SNAP25: variants seen among roughly 807,000 people sequenced by gnomAD.
SNAP25 encodes the protein synaptosomal-associated protein 25.
A neutral mutation model predicts 28.7 loss-of-function variants in SNAP25; 3 were observed. The observed-to-expected ratio is 0.10, with a 90% CI of 0.05 to 0.27. The LOEUF is 0.27. Among genes scored for constraint, SNAP25 ranks in the 10% least tolerant of loss-of-function variants. The pLI is 1.00. For synonymous variants in SNAP25, 61 were observed against 88.1 expected, an observed-to-expected ratio of 0.69 and a Z score of 1.72; for missense variants, 117 against 278.7, an observed-to-expected ratio of 0.42 and a Z score of 4.13.
At chr20:10,219,985 A>AT (rs1344862580) in intron 1 of SNAP25, among the ~76,000 whole-genome samples, 4 of 152,186 alleles carry the variant, frequency 2.6e-5, no homozygotes, top group East Asian at 1.9e-4. Context: ...AAATAAATAC[A>AT]TTTTTTAAAA....
chr20:10,243,457 C>A (rs1313340269), intron 1 of SNAP25, among the ~76,000 whole-genome samples: 1 of 152,154 alleles, frequency 6.6e-6, no homozygotes, highest in Non-Finnish European at 1.5e-5. Flanking sequence ...CACCACATTG[C>A]ATTTAATTGT....
chr20:10,226,394 C>A (rs1281028560), intron 1 of SNAP25, among the ~76,000 whole-genome samples: 1 of 152,138 alleles, frequency 6.6e-6, no homozygotes, highest in Admixed American at 6.5e-5. Flanking sequence ...ATTGCTTCAT[C>A]ATAAATCAGC....
At chr20:10,244,456 C>A (rs944944658) in intron 1 of SNAP25, among the ~76,000 whole-genome samples, 1 of 152,146 alleles carries the variant, frequency 6.6e-6, no homozygotes. Context: ...AAGGTAGGAA[C>A]TATTATCACT....
chr20:10,269,554 T>C (rs1188439205), intron 1 of SNAP25, among the ~76,000 whole-genome samples: 1 of 152,206 alleles, frequency 6.6e-6, no homozygotes, highest in Non-Finnish European at 1.5e-5. Context: ...GATATTAAGA[T>C]TGATTTTGAA....
At chr20:10,297,075 T>C in intron 6 of SNAP25, 25 bp downstream of exon 6, 1 of 1,535,618 alleles carries the variant, frequency 6.5e-7, no homozygotes, top group Non-Finnish European at 8.7e-7. Flanking sequence ...GCATACACTG[T>C]AGCAGTTCTC....
At chr20:10,244,325 A>G (rs989534096) in intron 1 of SNAP25, among the ~76,000 whole-genome samples, 4 of 152,238 alleles carry the variant, frequency 2.6e-5, no homozygotes, top group African/African-American at 7.2e-5. Flanking sequence ...GAGACATATT[A>G]TAAAACTAAA....
intron 6 of SNAP25, among the ~76,000 whole-genome samples, chr20:10,298,043 T>C (rs1336108058): frequency 6.6e-6 from 1 of 152,136 alleles, no homozygotes; most frequent in Non-Finnish European, 1.5e-5. Context: ...GCTCTCCCTT[T>C]GCTCCCAGGG....
chr20:10,224,466 T>G (rs2062699062), intron 1 of SNAP25, among the ~76,000 whole-genome samples: 1 of 151,716 alleles, frequency 6.6e-6, no homozygotes, highest in Non-Finnish European at 1.5e-5. Context: ...ACTGGCAGAA[T>G]GATAGAAGTG....
At chr20:10,276,972 G>C (rs1199347673) in intron 2 of SNAP25, among the ~76,000 whole-genome samples, 3 of 152,152 alleles carry the variant, frequency 2.0e-5, no homozygotes, top group African/African-American at 7.2e-5. Context: ...GCAGAATCTT[G>C]TTCAAAATAA....
At chr20:10,283,280 T>G (rs1177960244) in intron 3 of SNAP25, among the ~76,000 whole-genome samples, 1 of 152,242 alleles carries the variant, frequency 6.6e-6, no homozygotes, top group Non-Finnish European at 1.5e-5. Flanking sequence ...AGGTATTAAC[T>G]GTTGTCATTG....
At chr20:10,221,351 C>A (rs1282622064) in intron 1 of SNAP25, among the ~76,000 whole-genome samples, 1 of 152,018 alleles carries the variant, frequency 6.6e-6, no homozygotes, top group African/African-American at 2.4e-5. Context: ...TTTAGAATAG[C>A]TTACTGAGAA....
intron 1 of SNAP25, among the ~76,000 whole-genome samples, chr20:10,269,453 T>C (rs1217669661): frequency 6.6e-6 from 1 of 152,136 alleles, no homozygotes; most frequent in African/African-American, 2.4e-5. Flanking sequence ...TAACCCCACC[T>C]TAGAAGCTCC....
chr20:10,269,231 G>A (rs2063553471), intron 1 of SNAP25, among the ~76,000 whole-genome samples: 1 of 152,052 alleles, frequency 6.6e-6, no homozygotes, highest in East Asian at 1.9e-4. Context: ...CCAACATGGT[G>A]AAACCCCATC....
rs187297488 is a variant in SNAP25, at chr20:10,261,615, T to C, written c.-63-13814T>C. On this transcript the variant is annotated intron_variant, in intron 1 of 7. Transcript: ENST00000254976. ...GTAATTGTGTATCTACTTTAATGTATATTAAACAAACATAATTAGCCATAA... is the reference window on the plus strand; with the variant it reads ...GTAATTGTGTATCTACTTTAATGTACATTAAACAAACATAATTAGCCATAA... Among the ~76,000 whole-genome samples, 37 of 152,316 alleles carry C rather than the reference T, an allele frequency of 2.4e-4. No homozygotes were observed. In the East Asian group the frequency reaches 6.9e-3, roughly 29 times the overall value.
In SNAP25 at chr20:10,259,183, A is replaced by T. The variant is rs528795198; in HGVS notation, c.-63-16246A>T. Among the ~76,000 whole-genome samples, 26 of 152,302 alleles carry T rather than the reference A, an allele frequency of 1.7e-4. 1 individual carries two copies. The Middle Eastern group carries it at 0.01, about 60-fold the overall frequency. ...TTCAGCAGAGGTGATAATAATGATGAAGTCCAGGGTGAATGCCCATGTTTT... is the reference window on the plus strand; with the variant it reads ...TTCAGCAGAGGTGATAATAATGATGTAGTCCAGGGTGAATGCCCATGTTTT... On this transcript the variant is annotated intron_variant, in intron 1 of 7. Coordinates refer to ENST00000254976, the MANE Select transcript of SNAP25 (RefSeq NM_130811.4).
Position 10,306,267 on chromosome 20 carries a change from T to C in SNAP25, c.*70T>C. On this transcript the variant is annotated 3_prime_UTR_variant, in exon 8 of 8. Transcript: ENST00000254976. Reference sequence around the variant, plus strand: ...GCTCCTTCATGCTTTTCTCATGGTATTATCTAGTAGGTCTGCACACATAAC... The same window carrying C: ...GCTCCTTCATGCTTTTCTCATGGTACTATCTAGTAGGTCTGCACACATAAC... The C allele has an allele frequency of 6.9e-7, 1 of 1,442,478 alleles. No homozygotes were observed. The highest frequency in any genetic ancestry group is 9.7e-7 in the Non-Finnish European group (1 of 1,027,594). The allele number at this position is 1,442,478 out of a possible 1,614,324, so 89.4% of individuals were successfully genotyped here. A position where few individuals can be genotyped will look rare whatever the true frequency, so the allele number is the denominator to read the frequency against.
chr20:10,260,899 C>G (rs1241521823), intron 1 of SNAP25, among the ~76,000 whole-genome samples: 4 of 152,154 alleles, frequency 2.6e-5, no homozygotes, highest in African/African-American at 7.2e-5. Flanking sequence ...AGTTGAAACA[C>G]TAATAGTAGC....
chr20:10,234,906 A>G (rs1237060187), intron 1 of SNAP25, among the ~76,000 whole-genome samples: 1 of 152,190 alleles, frequency 6.6e-6, no homozygotes, highest in Non-Finnish European at 1.5e-5. Context: ...AAATAAAATA[A>G]ATAGGGATTA....
intron 1 of SNAP25, among the ~76,000 whole-genome samples, chr20:10,244,331 C>T (rs2122758879): frequency 6.6e-6 from 1 of 152,264 alleles, no homozygotes; most frequent in South Asian, 2.1e-4. Flanking sequence ...TATTATAAAA[C>T]TAAATCCACC....
Sources: allele counts gnomAD v4.1 joint callset (sites outside exome capture counted in the v4.1 genomes callset), GRCh38; gene constraint gnomAD v4.1.1; transcripts MANE v1.5; gene names NCBI Gene and HGNC (gene_info 2026-07-23, HGNC 2026-07-21).